FOXP1: variants seen among roughly 807,000 people sequenced by gnomAD.
The protein encoded by FOXP1 is forkhead box P1.
Under a neutral mutation model 98.2 loss-of-function variants are expected in FOXP1, and 15 were observed. The observed-to-expected ratio is 0.15, with a 90% CI of 0.10 to 0.24. The LOEUF is 0.24. Among genes scored for constraint, FOXP1 ranks in the 10% least tolerant of loss-of-function variants. The probability of loss-of-function intolerance (pLI) is 1.00; values close to 1 mark genes in which losing one functional copy is unlikely to be tolerated. For missense variants in FOXP1, 633 were observed against 848.5 expected, an observed-to-expected ratio of 0.75 and a Z score of 3.15; for synonymous variants, 371 against 314.5, an observed-to-expected ratio of 1.18 and a Z score of -1.90.
intron 4 of FOXP1, among the ~76,000 whole-genome samples, chr3:71,308,858 T>G (rs1560283421): frequency 6.7e-6 from 1 of 149,960 alleles, no homozygotes; most frequent in Non-Finnish European, 1.5e-5. Context: ...CATTCGGTGA[T>G]AAAATATCAC....
At chr3:71,186,322 G>A (rs995621198) in intron 6 of FOXP1, among the ~76,000 whole-genome samples, 1 of 152,180 alleles carries the variant, frequency 6.6e-6, no homozygotes, top group Non-Finnish European at 1.5e-5. Context: ...CTTGTAAGAT[G>A]CTGTCAGCTG....
At chr3:71,171,810 C>G (rs930231631) in intron 6 of FOXP1, among the ~76,000 whole-genome samples, 5 of 152,182 alleles carry the variant, frequency 3.3e-5, no homozygotes, top group African/African-American at 1.2e-4. Context: ...CTGCATTCAC[C>G]TTTTCTATCT....
chr3:71,410,404 T>A (rs774855985), intron 3 of FOXP1, among the ~76,000 whole-genome samples: 6 of 152,242 alleles, frequency 3.9e-5, no homozygotes, highest in Non-Finnish European at 7.3e-5. Context: ...TGGATTATTA[T>A]CTTTGTTTCC....
At chr3:71,371,112 G>A (rs2079282159) in intron 3 of FOXP1, among the ~76,000 whole-genome samples, 2 of 151,996 alleles carry the variant, frequency 1.3e-5, no homozygotes, top group Admixed American at 1.3e-4. Flanking sequence ...ATTCACTATG[G>A]CTACAGTGAG....
chr3:71,216,128 T>C (rs2064895957), intron 5 of FOXP1, among the ~76,000 whole-genome samples: 1 of 152,176 alleles, frequency 6.6e-6, no homozygotes, highest in South Asian at 2.1e-4. Context: ...TCCCCATCAC[T>C]GACAACTCCC....
At chr3:71,206,735 A>C (rs1470135248) in intron 5 of FOXP1, among the ~76,000 whole-genome samples, 1 of 152,222 alleles carries the variant, frequency 6.6e-6, no homozygotes. Flanking sequence ...TAATCTTTAT[A>C]AGACACCAAT....
At chr3:71,399,893 A>C (rs1267186907) in intron 3 of FOXP1, among the ~76,000 whole-genome samples, 1 of 152,208 alleles carries the variant, frequency 6.6e-6, no homozygotes, top group Non-Finnish European at 1.5e-5. Flanking sequence ...CCAGTTGTTA[A>C]TTTGAAAACG....
intron 3 of FOXP1, among the ~76,000 whole-genome samples, chr3:71,406,420 T>C (rs1030747152): frequency 6.9e-6 from 1 of 144,180 alleles, no homozygotes; most frequent in African/African-American, 2.5e-5. Flanking sequence ...TATATATATA[T>C]ATATGGTACA....
rs2031502047 is a variant in FOXP1 at position 70,955,272 on chromosome 3, A to T, written c.*3975T>A. The T allele has an allele frequency of 4.3e-6, 1 of 232,842 alleles. No homozygotes were observed. Among genetic ancestry groups the T allele is most frequent in the South Asian group, 1.8e-4 (1 of 5,528 alleles). The allele number at this position is 232,842 out of a possible 1,614,324, so 14.4% of individuals were successfully genotyped here. ...GATTTACAGCCTATCTTGGGTTAAG[A>T]ATCCAAGGTTTTCTTTACTAGGTCT... On this transcript the variant is annotated 3_prime_UTR_variant, in exon 21 of 21. Coordinates refer to ENST00000649528, the MANE Select transcript of FOXP1 (RefSeq NM_001349338.3).
chr3:70,975,621 T>G (rs1171662102), intron 17 of FOXP1, among the ~76,000 whole-genome samples: 1 of 152,234 alleles, frequency 6.6e-6, no homozygotes, highest in African/African-American at 2.4e-5. Flanking sequence ...CTATAACACA[T>G]CCTTATCATA....
intron 3 of FOXP1, among the ~76,000 whole-genome samples, chr3:71,364,164 G>A (rs975806784): frequency 2.0e-4 from 31 of 152,208 alleles, no homozygotes; most frequent in African/African-American, 7.0e-4. Context: ...ACAGCTGCTA[G>A]TATCTCTTAC....
intron 20 of FOXP1, among the ~76,000 whole-genome samples, chr3:70,965,420 G>A (rs1254787036): frequency 1.3e-5 from 2 of 152,206 alleles, no homozygotes; most frequent in South Asian, 2.1e-4. Context: ...AAATCATGCC[G>A]CCTTTCATTT....
chr3:71,175,150 G>T (rs1386149782), intron 6 of FOXP1, among the ~76,000 whole-genome samples: 1 of 152,160 alleles, frequency 6.6e-6, no homozygotes, highest in African/African-American at 2.4e-5. Context: ...CTGACCTCGT[G>T]ATCCATCCGC....
chr3:71,067,973 A>G (rs2052747026), intron 7 of FOXP1, among the ~76,000 whole-genome samples: 1 of 138,892 alleles, frequency 7.2e-6, no homozygotes, highest in Non-Finnish European at 1.5e-5. Context: ...AAGAGGAAGC[A>G]GATACTGGAT....
intron 6 of FOXP1, among the ~76,000 whole-genome samples, chr3:71,114,101 G>T (rs1575776302): frequency 6.6e-6 from 1 of 152,164 alleles, no homozygotes; most frequent in African/African-American, 2.4e-5. Flanking sequence ...GCGCATCAAA[G>T]AAGAGGCACA....
chr3:71,522,798 A>G (rs2043092620), intron 2 of FOXP1, among the ~76,000 whole-genome samples: 1 of 152,162 alleles, frequency 6.6e-6, no homozygotes, highest in Non-Finnish European at 1.5e-5. Context: ...CAGTGGTCTC[A>G]AGCTGGGATG....
intron 12 of FOXP1, among the ~76,000 whole-genome samples, chr3:71,011,103 A>C (rs565644912): frequency 1.3e-5 from 2 of 152,288 alleles, no homozygotes; most frequent in African/African-American, 4.8e-5. Context: ...AGGAAAACTG[A>C]AATCCTGAAT....
intron 6 of FOXP1, among the ~76,000 whole-genome samples, chr3:71,122,802 C>A (rs1356851213): frequency 1.3e-5 from 2 of 152,222 alleles, no homozygotes; most frequent in African/African-American, 4.8e-5. Flanking sequence ...AAAACAAAAA[C>A]GAACAAAACA....
At chr3:71,559,545 G>A (rs1271619032) in intron 2 of FOXP1, among the ~76,000 whole-genome samples, 5 of 152,274 alleles carry the variant, frequency 3.3e-5, no homozygotes, top group South Asian at 4.1e-4. Context: ...AGGCTGTTAC[G>A]TTACCTACTG....
Sources: allele counts gnomAD v4.1 joint callset (sites outside exome capture counted in the v4.1 genomes callset), GRCh38; gene constraint gnomAD v4.1.1; transcripts MANE v1.5; gene names NCBI Gene and HGNC (gene_info 2026-07-23, HGNC 2026-07-21).